Variants in MALRD1 observed in about 807,000 individuals in gnomAD.
MALRD1 encodes the protein MAM and LDL-receptor class A domain-containing protein 1.
A neutral mutation model predicts 242.1 loss-of-function variants in MALRD1; 247 were observed. The observed-to-expected ratio is 1.02, with a 90% CI of 0.92 to 1.13. The LOEUF is 1.13. MALRD1 is among the 50% of genes most tolerant of loss of function. The probability of loss-of-function intolerance (pLI) is 0.00; values close to 1 mark genes in which losing one functional copy is unlikely to be tolerated. For missense variants in MALRD1, 2,989 were observed against 2,533.1 expected, an observed-to-expected ratio of 1.18 and a Z score of -3.86; for synonymous variants, 995 against 866.6, an observed-to-expected ratio of 1.15 and a Z score of -2.60.
intron 21 of MALRD1, among the ~76,000 whole-genome samples, chr10:19,300,874 T>C (rs990035777): frequency 3.3e-5 from 5 of 152,026 alleles, no homozygotes. Flanking sequence ...CTAATTAAAC[T>C]AAAGACCTTA....
At chr10:19,157,475 C>T (rs989681563) in intron 12 of MALRD1, among the ~76,000 whole-genome samples, 1 of 151,992 alleles carries the variant, frequency 6.6e-6, no homozygotes, top group African/African-American at 2.4e-5. Context: ...TCTCGATCTC[C>T]TGACCTCGTG....
At chr10:19,305,796 C>CAT (rs926526637) in intron 21 of MALRD1, among the ~76,000 whole-genome samples, 42 of 135,536 alleles carry the variant, frequency 3.1e-4, no homozygotes, top group African/African-American at 9.6e-4. Context: ...ATATATATAC[C>CAT]ATATATATAC....
intron 39 of MALRD1, among the ~76,000 whole-genome samples, chr10:19,731,761 T>A (rs898613148): frequency 6.6e-6 from 1 of 152,216 alleles, no homozygotes; most frequent in African/African-American, 2.4e-5. Context: ...TGTAAAAGTT[T>A]TATTACATCT....
At chr10:19,449,445 C>A (rs955091147) in intron 28 of MALRD1, among the ~76,000 whole-genome samples, 1 of 152,170 alleles carries the variant, frequency 6.6e-6, no homozygotes. Flanking sequence ...ATAATGGTGT[C>A]TCTAAAAATT....
intron 24 of MALRD1, among the ~76,000 whole-genome samples, chr10:19,336,714 T>C (rs1487074602): frequency 6.6e-6 from 1 of 152,146 alleles, no homozygotes; most frequent in East Asian, 1.9e-4. Context: ...ACATAAACTG[T>C]GGGCATTTGC....
chr10:19,243,064 T>TC, intron 18 of MALRD1, among the ~76,000 whole-genome samples: 1 of 104,618 alleles, frequency 9.6e-6, no homozygotes, highest in African/African-American at 3.6e-5. Flanking sequence ...TTCTTTTCCC[T>TC]TTTTTTTTTT....
chr10:19,269,174 A>C (rs1840089170), intron 19 of MALRD1, among the ~76,000 whole-genome samples: 1 of 152,202 alleles, frequency 6.6e-6, no homozygotes, highest in Non-Finnish European at 1.5e-5. Flanking sequence ...AATAAGTTGA[A>C]TATTTTCCCC....
chr10:19,125,293 C>CTTT, intron 7 of MALRD1, among the ~76,000 whole-genome samples: 1 of 34,532 alleles, frequency 2.9e-5, no homozygotes, highest in Non-Finnish European at 4.9e-5. Flanking sequence ...TTCTTTCTTT[C>CTTT]CTTCCTTCCT....
chr10:19,320,041 CTTTT>C (rs34481531), intron 21 of MALRD1, among the ~76,000 whole-genome samples: 79 of 73,086 alleles, frequency 1.1e-3, no homozygotes, highest in African/African-American at 4.0e-3. Flanking sequence ...TATAAAACTG[CTTTT>C]TTTTTTTTTT....
intron 27 of MALRD1, chr10:19,389,247 C>A (rs917430184): frequency 1.5e-6 from 1 of 677,330 alleles, no homozygotes; most frequent in East Asian, 2.9e-5. Context: ...CTGTGAAGCA[C>A]GTGCTAAAAG....
chr10:19,250,740 T>G (rs1839259488), intron 18 of MALRD1, among the ~76,000 whole-genome samples: 1 of 151,852 alleles, frequency 6.6e-6, no homozygotes, highest in Non-Finnish European at 1.5e-5. Flanking sequence ...TACTTAGAGA[T>G]GATGTGTGTG....
intron 38 of MALRD1, among the ~76,000 whole-genome samples, chr10:19,702,247 C>T (rs1386131331): frequency 6.6e-6 from 1 of 152,184 alleles, no homozygotes. Context: ...TCAAAAACCA[C>T]TACAGCAAGT....
intron 7 of MALRD1, among the ~76,000 whole-genome samples, chr10:19,126,831 G>A (rs1030016248): frequency 6.6e-6 from 1 of 151,934 alleles, no homozygotes; most frequent in African/African-American, 2.4e-5. Flanking sequence ...ATGTGCTGTG[G>A]TGGTTGGCTG....
At chr10:19,515,230 A>G (rs1833573093) in intron 31 of MALRD1, among the ~76,000 whole-genome samples, 1 of 152,220 alleles carries the variant, frequency 6.6e-6, no homozygotes, top group Admixed American at 6.5e-5. Flanking sequence ...AGTTACATGT[A>G]TGAATTCAAA....
chr10:19,350,883 T>C (rs1376985145), intron 25 of MALRD1, among the ~76,000 whole-genome samples: 3 of 152,170 alleles, frequency 2.0e-5, no homozygotes, highest in African/African-American at 7.2e-5. Context: ...CTGGCCACTT[T>C]GTTTCTCACT....
chr10:19,680,850 A>C (rs1842339179), intron 36 of MALRD1, among the ~76,000 whole-genome samples: 1 of 152,144 alleles, frequency 6.6e-6, no homozygotes, highest in Non-Finnish European at 1.5e-5. Flanking sequence ...GAATTCCCTC[A>C]GCATTTGCTT....
intron 29 of MALRD1, among the ~76,000 whole-genome samples, chr10:19,473,800 G>T (rs1038869672): frequency 2.6e-4 from 40 of 152,058 alleles, no homozygotes; most frequent in Admixed American, 2.6e-3. Flanking sequence ...ACAAATACCT[G>T]CTCAAGTCCC....
At chr10:19,259,972 C>T (rs1839675258) in intron 19 of MALRD1, among the ~76,000 whole-genome samples, 2 of 152,164 alleles carry the variant, frequency 1.3e-5, no homozygotes, top group South Asian at 2.1e-4. Context: ...ATCACCTCTT[C>T]ACTGTTTAAT....
intron 26 of MALRD1, among the ~76,000 whole-genome samples, chr10:19,384,408 T>C (rs1845976735): frequency 2.8e-5 from 2 of 70,684 alleles, no homozygotes; most frequent in African/African-American, 5.7e-5. Context: ...TTATATAGTA[T>C]ATATAATATA....
Sources: gnomAD v4.1 joint callset for allele counts (sites outside exome capture counted in the v4.1 genomes callset) on GRCh38, gnomAD v4.1.1 for gene constraint, MANE v1.5 for transcripts, NCBI Gene and HGNC (gene_info 2026-07-23, HGNC 2026-07-21) for gene names.